Variants in DLEC1 observed in about 807,000 individuals in gnomAD.
DLEC1 encodes DLEC1 cilia and flagella associated protein, also known as deleted in lung and esophageal cancer protein 1.
DLEC1 carries 146 observed loss-of-function variants against 198.1 expected under a neutral mutation model. That is an observed-to-expected ratio of 0.74 (90% confidence interval 0.64 to 0.85). DLEC1 has a LOEUF of 0.85. Among genes scored for constraint, DLEC1 ranks in the 40% least tolerant of loss-of-function variants. The pLI is 0.00. For synonymous variants in DLEC1, 897 were observed against 866.8 expected (o/e 1.03, Z -0.61); for missense variants, 2,233 against 2,220.0 (o/e 1.01, Z -0.12).
chr3:38,112,305 G>A lies in DLEC1; in HGVS notation c.3610G>A (p.Asp1204Asn). The change falls in exon 25 of 37, where the codon GAC (aspartate) becomes AAC (asparagine). Residue 1204 changes from aspartate to asparagine, a missense_variant. By Grantham distance (23) the Asp-to-Asn change is conservative. Transcript: ENST00000308059. This position sits in a 1 kb window ranked among gnomAD's most constrained non-coding sequence, Gnocchi z 4.8. ...GGGGCCCTACCAGCAGCTGTGCATT[G>A]ACATCACAGGCTGTGCCAACATGTG... ...MLGPYQQLCI[D>N]ITGCANMWGE... 2 of 1,614,144 alleles carry A rather than the reference G, an allele frequency of 1.2e-6. No individual in the cohort carries two copies. Among genetic ancestry groups the A allele is most frequent in the Admixed American group, 1.7e-5 (1 of 60,018 alleles).
At position 38,100,405 on chromosome 3, in the gene DLEC1, G is replaced by A; in HGVS notation, c.2844G>A (p.Glu948=). 2 of 1,613,000 alleles carry A rather than the reference G, an allele frequency of 1.2e-6. No individual in the cohort carries two copies. Among genetic ancestry groups the A allele is most frequent in the Non-Finnish European group, 8.5e-7 (1 of 1,179,670 alleles). ...CQHLETVLEL[E]VENGAWSYLP... The stretch of plus-strand genomic sequence containing the variant: ...ATCTGGAGACCGTCCTGGAGCTGGA[G>A]GTGGAAAATGGTGCCTGGAGGTAAG... The change falls in exon 19 of 37, where the codon GAG becomes GAA. Residue 948 remains glutamate (E), a synonymous_variant. Transcript: ENST00000308059.
chr3:38,085,136 C>G, intron 7 of DLEC1, 138 bp from the exon 8 acceptor site: 1 of 900,212 alleles, frequency 1.1e-6, no homozygotes, highest in Non-Finnish European at 1.8e-6. Context: ...ATGCCCTTTT[C>G]CTGCCATCAG....
chr3:38,118,987 C>T (rs1049136304), intron 33 of DLEC1, among the ~76,000 whole-genome samples: 1 of 152,172 alleles, frequency 6.6e-6, no homozygotes, highest in Admixed American at 6.5e-5. Context: ...CAGAATGGCA[C>T]CCTTGACCCA....
chr3:38,085,199 T>C, intron 7 of DLEC1, 75 bp from the exon 8 acceptor site: 1 of 1,531,982 alleles, frequency 6.5e-7, no homozygotes, highest in Non-Finnish European at 9.0e-7. Flanking sequence ...AGGGCTGGGG[T>C]CTGTACCAGC....
chr3:38,084,292 T>C, intron 7 of DLEC1, 47 bp downstream of exon 7: 2 of 1,535,266 alleles, frequency 1.3e-6, no homozygotes, highest in Non-Finnish European at 1.8e-6. Context: ...GTAATAGTAG[T>C]GGTGGTATTA....
Position 38,063,887 on chromosome 3 carries a change from T to G in DLEC1, c.1141T>G (p.Phe381Val). 1 of 1,613,572 alleles carries G rather than the reference T, an allele frequency of 6.2e-7. No individual in the cohort carries two copies. The highest frequency in any genetic ancestry group is 8.5e-7 in the Non-Finnish European group (1 of 1,179,630). ...VFLAKPPIGF[F>V]TDYEIGPVYE... ...TCTAGCTAAGCCACCAATTGGGTTT[T>G]TCACAGATTATGAAATTGGTCCAGT... Residue 381 changes from phenylalanine to valine, a missense_variant, in exon 6 of 37, where the codon TTC (phenylalanine) becomes GTC (valine). Transcript: ENST00000308059.
intron 6 of DLEC1, among the ~76,000 whole-genome samples, chr3:38,083,792 A>AT (rs1393634322): frequency 7.4e-6 from 1 of 135,062 alleles, no homozygotes; most frequent in Non-Finnish European, 1.6e-5. Context: ...TTTTAAACTA[A>AT]TTTTTTTGTT....
At chr3:38,059,691 C>T (rs1553612886) in intron 2 of DLEC1, 51 bp from the exon 3 acceptor site, 4 of 1,527,696 alleles carry the variant, frequency 2.6e-6, no homozygotes, top group East Asian at 4.5e-5. Context: ...GTGGGTTCTT[C>T]AAAGTCAGTC....
rs1301387146 is a variant in DLEC1, at chr3:38,116,987, G to A, written c.4192G>A (p.Gly1398Arg). 6.2e-7 allele frequency: 1 copy of A among 1,613,820 alleles called. No individual in the cohort carries two copies. The highest frequency in any genetic ancestry group is 1.7e-5 in the Admixed American group (1 of 60,020). ...GTGTCTATGCCAGGTGGTCCCTGCT[G>A]GGGGCAGCAGTACCATCTACATCTC... ...ISPKQVVVPA[G>R]GSSTIYISFT... is the part of the protein sequence containing the mutation. The change falls in exon 30 of 37, where the codon GGG (glycine) becomes AGG (arginine). Residue 1398 changes from glycine (G) to arginine (R), a missense_variant. Gly to Arg is a moderately radical substitution (Grantham distance 125). Coordinates refer to ENST00000308059, the MANE Select transcript of DLEC1 (RefSeq NM_007335.4).
chr3:38,061,417 G>C (rs1269352331), intron 3 of DLEC1, among the ~76,000 whole-genome samples: 2 of 152,086 alleles, frequency 1.3e-5, no homozygotes, highest in Non-Finnish European at 2.9e-5. Flanking sequence ...CTGACCTCAA[G>C]TGATCCGCCG....
In DLEC1 at chr3:38,122,664, G is replaced by T; in HGVS notation, c.*252G>T. On this transcript the variant is annotated 3_prime_UTR_variant, in exon 37 of 37. Transcript: ENST00000308059. ...TTGAGATCACTACTCAGTGCATAGC[G>T]AAGACCAGTATGGCAAAATTAGTCT... 6.9e-7 allele frequency: 1 copy of T among 1,448,796 alleles called. No homozygotes were observed. Among genetic ancestry groups the T allele is most frequent in the South Asian group, 1.4e-5 (1 of 70,676 alleles). The allele number at this position is 1,448,796 out of a possible 1,614,324, so 89.7% of individuals were successfully genotyped here. A position where few individuals can be genotyped will look rare whatever the true frequency, so the allele number is the denominator to read the frequency against.
chr3:38,063,472 TAGAAG>T (rs755742333), intron 5 of DLEC1, among the ~76,000 whole-genome samples: 23 of 148,628 alleles, frequency 1.5e-4, no homozygotes, highest in South Asian at 1.1e-3. Context: ...AAAAAGAAAA[TAGAAG>T]AGAAGAGAAG....
intron 19 of DLEC1, among the ~76,000 whole-genome samples, chr3:38,105,689 T>C (rs1699532487): frequency 6.6e-6 from 1 of 152,178 alleles, no homozygotes; most frequent in African/African-American, 2.4e-5. Flanking sequence ...AAACAGCATA[T>C]ACTTGGATCA....
intron 12 of DLEC1, 120 bp from the exon 13 acceptor site, chr3:38,094,759 G>A (rs1286918192): frequency 1.7e-6 from 2 of 1,203,940 alleles, no homozygotes; most frequent in South Asian, 1.5e-5. Context: ...GGCTGACCTG[G>A]TTTCTTCCTG....
chr3:38,121,836 A>G (rs1338967412), intron 35 of DLEC1, 55 bp downstream of exon 35: 1 of 1,588,428 alleles, frequency 6.3e-7, no homozygotes, highest in Non-Finnish European at 8.6e-7. Context: ...GTGCCAAGAG[A>G]AGACCCCCCA....
chr3:38,107,801 G>T (rs1288613481), intron 20 of DLEC1, 64 bp downstream of exon 20: 3 of 1,556,218 alleles, frequency 1.9e-6, no homozygotes, highest in Non-Finnish European at 2.6e-6. Context: ...CCACATAGAG[G>T]GGGGCATTGT....
At chr3:38,120,041 C>G (rs1187670254) in intron 33 of DLEC1, among the ~76,000 whole-genome samples, 2 of 152,218 alleles carry the variant, frequency 1.3e-5, no homozygotes, top group African/African-American at 4.8e-5. Context: ...AGCCCCTGGT[C>G]TGGCATCATC....
At chr3:38,041,385 C>T (rs1047365293) in intron 1 of DLEC1, among the ~76,000 whole-genome samples, 1 of 152,136 alleles carries the variant, frequency 6.6e-6, no homozygotes, top group Non-Finnish European at 1.5e-5. Context: ...TCAATTGATC[C>T]TTCCACCTCA....
intron 2 of DLEC1, among the ~76,000 whole-genome samples, chr3:38,048,970 T>G (rs1700993999): frequency 6.6e-6 from 1 of 152,184 alleles, no homozygotes; most frequent in East Asian, 1.9e-4. Context: ...TCCAGAGTCT[T>G]TACTGGTTGC....
Sources: gnomAD v4.1 joint callset for allele counts (sites outside exome capture counted in the v4.1 genomes callset) on GRCh38, gnomAD v4.1.1 for gene constraint, Gnocchi (gnomAD v3.1) non-coding constraint, MANE v1.5 for transcripts, NCBI Gene and HGNC (gene_info 2026-07-23, HGNC 2026-07-21) for gene names.